CIB4: variants seen among roughly 807,000 people sequenced by gnomAD.
The protein encoded by CIB4 is calcium and integrin binding family member 4.
In CIB4, 25 loss-of-function variants were observed where a neutral mutation model predicts 25.8. The ratio of observed to expected loss-of-function variants is 0.97; its 90% confidence interval spans 0.71 to 1.35. The LOEUF is 1.35. Among genes scored for constraint, CIB4 ranks in the 40% most tolerant of loss-of-function variants. The pLI, the probability that CIB4 is intolerant of heterozygous loss-of-function variation, is 0.00. For missense variants in CIB4, 235 were observed against 228.2 expected, an observed-to-expected ratio of 1.03 and a Z score of -0.19; for synonymous variants, 75 against 81.4, an observed-to-expected ratio of 0.92 and a Z score of 0.42.
intron 3 of CIB4, among the ~76,000 whole-genome samples, chr2:26,612,023 C>T (rs932938356): frequency 2.6e-5 from 4 of 152,138 alleles, no homozygotes; most frequent in South Asian, 2.1e-4. Context: ...TGTCATACTA[C>T]GTTAACAATA....
intron 4 of CIB4, among the ~76,000 whole-genome samples, chr2:26,589,011 C>T (rs1422808360): frequency 2.0e-4 from 4 of 20,096 alleles, no homozygotes; most frequent in Admixed American, 5.3e-4. Context: ...TCTTCTTCTT[C>T]TTCTTCTTCT....
intron 4 of CIB4, among the ~76,000 whole-genome samples, chr2:26,592,181 A>C (rs1029548586): frequency 1.3e-5 from 2 of 152,198 alleles, no homozygotes; most frequent in East Asian, 3.9e-4. Flanking sequence ...CAACCGAAAG[A>C]CTCTTGGCTA....
chr2:26,631,172 AG>A (rs1220026786), intron 2 of CIB4, among the ~76,000 whole-genome samples: 4 of 152,154 alleles, frequency 2.6e-5, no homozygotes, highest in African/African-American at 9.7e-5. Flanking sequence ...GGTGGAATTT[AG>A]GGACATGTAA....
At chr2:26,601,231 A>AAAAAAAAAAAAAAAAAATATAT (rs1395827334) in intron 3 of CIB4, among the ~76,000 whole-genome samples, 1 of 17,238 alleles carries the variant, frequency 5.8e-5, no homozygotes, top group African/African-American at 1.5e-4. Context: ...AAAAAAAAAA[A>AAAAAAAAAAAAAAAAAATATAT]ATATATATAT....
intron 3 of CIB4, among the ~76,000 whole-genome samples, chr2:26,600,148 T>G (rs1204050603): frequency 4.2e-5 from 6 of 143,566 alleles, no homozygotes; most frequent in Non-Finnish European, 6.0e-5. Context: ...CTCACTCCTG[T>G]AATCCCAGCA....
chr2:26,625,811 T>C (rs1389354623), intron 3 of CIB4, among the ~76,000 whole-genome samples: 2 of 152,276 alleles, frequency 1.3e-5, no homozygotes, highest in African/African-American at 2.4e-5. Flanking sequence ...TCTCTGCCCA[T>C]GCATATGCCC....
At chr2:26,598,777 C>G (rs2148200326) in intron 3 of CIB4, among the ~76,000 whole-genome samples, 1 of 152,310 alleles carries the variant, frequency 6.6e-6, no homozygotes, top group South Asian at 2.1e-4. Flanking sequence ...CCCCCTGAGA[C>G]AGAGCAGCTC....
intron 3 of CIB4, among the ~76,000 whole-genome samples, chr2:26,616,381 C>A (rs1490566973): frequency 6.6e-6 from 1 of 152,206 alleles, no homozygotes; most frequent in Non-Finnish European, 1.5e-5. Context: ...GGCTTGGTGA[C>A]CTTGGGCCCT....
In CIB4 at chr2:26,584,002, T is replaced by A; in HGVS notation, c.329-104A>T. ...ACAGCACCAGCCAGGACCCCACAGA[T>A]GCCCATTAGCCTCTGGGAGGCCCCC... On this transcript the variant is annotated intron_variant, in intron 4 of 6. Transcript: ENST00000288861. 4 of 718,200 alleles carry A rather than the reference T, an allele frequency of 5.6e-6. No individual in the cohort carries two copies. The South Asian group carries it at 6.7e-5, about 12-fold the overall frequency. 44.5% of individuals were successfully genotyped at this position (718,200 alleles called of 1,614,324 possible).
At chr2:26,621,407 T>G (rs1358479941) in intron 3 of CIB4, among the ~76,000 whole-genome samples, 1 of 151,996 alleles carries the variant, frequency 6.6e-6, no homozygotes, top group Non-Finnish European at 1.5e-5. Context: ...CCATCTAAAC[T>G]CTCAGTCAAA....
At chr2:26,589,891 C>T (rs946869566) in intron 4 of CIB4, among the ~76,000 whole-genome samples, 4 of 152,130 alleles carry the variant, frequency 2.6e-5, no homozygotes, top group Non-Finnish European at 5.9e-5. Flanking sequence ...CTCCTATCAC[C>T]TTTTCTTCCT....
intron 2 of CIB4, among the ~76,000 whole-genome samples, chr2:26,632,036 G>A (rs979725433): frequency 2.6e-5 from 4 of 152,054 alleles, no homozygotes; most frequent in East Asian, 1.9e-4. Context: ...GCTTCCCGCC[G>A]GGTTGCTCAC....
At chr2:26,617,837 G>T (rs187507389) in intron 3 of CIB4, among the ~76,000 whole-genome samples, 6 of 152,312 alleles carry the variant, frequency 3.9e-5, no homozygotes, top group African/African-American at 1.4e-4. Context: ...ACAGCCAGGA[G>T]GTCAGGCAGC....
intron 4 of CIB4, among the ~76,000 whole-genome samples, chr2:26,590,358 A>G (rs7586119): frequency 0.15 from 22,502 of 151,564 alleles, 3,893 homozygotes; most frequent in African/African-American, 0.42. Flanking sequence ...ACGTTAAAGC[A>G]CAGAGGAATC....
chr2:26,637,595 C>A (rs1669558144), intron 2 of CIB4, among the ~76,000 whole-genome samples: 1 of 152,136 alleles, frequency 6.6e-6, no homozygotes, highest in South Asian at 2.1e-4. Flanking sequence ...CTCTTCCCCT[C>A]CTCTCTAAGG....
At chr2:26,610,261 C>T (rs1391521038) in intron 3 of CIB4, among the ~76,000 whole-genome samples, 2 of 152,186 alleles carry the variant, frequency 1.3e-5, no homozygotes, top group Non-Finnish European at 2.9e-5. Context: ...CCTCTTTTAT[C>T]AAACACATCT....
chr2:26,621,501 A>C (rs1265090010), intron 3 of CIB4, among the ~76,000 whole-genome samples: 1 of 152,118 alleles, frequency 6.6e-6, no homozygotes, highest in Non-Finnish European at 1.5e-5. Flanking sequence ...GGAGATCAAG[A>C]CCAGCCTAGG....
chr2:26,583,828 A>G lies in CIB4; in HGVS notation c.399T>C (p.Asp133=). ...CCATCAGGAGGTCCTCAGACATGTC[A>G]TCACTGTTCAGCAGTCGCAGGATGA... ...QRIILRLLNS[D]DMSEDLLMDL... is the part of the protein sequence containing the mutation. The change falls in exon 5 of 7, where the codon GAT becomes GAC. Residue 133 remains aspartate (D), a synonymous_variant. Coordinates refer to ENST00000288861, the MANE Select transcript of CIB4 (RefSeq NM_001029881.3). 1 of 1,613,070 alleles carries G rather than the reference A, an allele frequency of 6.2e-7. No homozygotes were observed. Among genetic ancestry groups the G allele is most frequent in the Non-Finnish European group, 8.5e-7 (1 of 1,179,510 alleles).
At chr2:26,640,491 G>A in intron 2 of CIB4, 42 bp downstream of exon 2, 1 of 1,601,254 alleles carries the variant, frequency 6.2e-7, no homozygotes, top group Non-Finnish European at 8.5e-7. Context: ...AGCTCAGAGG[G>A]AGGAGCTGGG....
Sources: allele counts gnomAD v4.1 joint callset (sites outside exome capture counted in the v4.1 genomes callset), GRCh38; gene constraint gnomAD v4.1.1; transcripts MANE v1.5; gene names NCBI Gene and HGNC (gene_info 2026-07-23, HGNC 2026-07-21).